TPTE: variants seen among roughly 807,000 people sequenced by gnomAD.
The protein encoded by TPTE is putative tyrosine-protein phosphatase TPTE.
A neutral mutation model predicts 84.1 loss-of-function variants in TPTE; 59 were observed. The ratio of observed to expected loss-of-function variants is 0.70; its 90% CI spans 0.57 to 0.87. TPTE has a LOEUF of 0.87. TPTE is among the 40% of genes least tolerant of loss of function. The pLI, the probability that TPTE is intolerant of heterozygous loss-of-function variation, is 0.00. For missense variants in TPTE, 382 were observed against 659.6 expected (o/e 0.58, Z 4.61); for synonymous variants, 130 against 223.5 (o/e 0.58, Z 3.73).
At chr21:10,556,704 T>G (rs1319561082) in intron 8 of TPTE, among the ~76,000 whole-genome samples, 7 of 152,306 alleles carry the variant, frequency 4.6e-5, no homozygotes. Flanking sequence ...CCAGCACCTG[T>G]TGTTTCTTGA....
At chr21:10,547,902 C>T (rs1384860185) in intron 7 of TPTE, among the ~76,000 whole-genome samples, 1 of 152,312 alleles carries the variant, frequency 6.6e-6, no homozygotes, top group African/African-American at 2.4e-5. Flanking sequence ...CAAACCACTA[C>T]ATGCCCTCTC....
At chr21:10,551,758 T>G (rs1260065160) in intron 7 of TPTE, among the ~76,000 whole-genome samples, 3 of 152,266 alleles carry the variant, frequency 2.0e-5, no homozygotes, top group Non-Finnish European at 2.9e-5. Flanking sequence ...GAAATAAAAA[T>G]AATTATTAGA....
At chr21:10,537,867 A>G (rs2074296267) in intron 3 of TPTE, among the ~76,000 whole-genome samples, 1 of 152,304 alleles carries the variant, frequency 6.6e-6, no homozygotes, top group Admixed American at 6.5e-5. Context: ...ATTCAAGGGC[A>G]TTAATGGAAA....
chr21:10,587,454 G>C (rs527326766), intron 17 of TPTE, among the ~76,000 whole-genome samples: 1 of 152,308 alleles, frequency 6.6e-6, no homozygotes, highest in Non-Finnish European at 1.5e-5. Context: ...TCACTTATGA[G>C]TGAGAACATA....
intron 7 of TPTE, among the ~76,000 whole-genome samples, chr21:10,548,067 A>G (rs2074502292): frequency 6.6e-6 from 1 of 152,428 alleles, no homozygotes; most frequent in Admixed American, 6.5e-5. Flanking sequence ...TCTGCTTTTA[A>G]TAAGGGCCTG....
intron 17 of TPTE, among the ~76,000 whole-genome samples, chr21:10,584,499 A>G (rs2075327203): frequency 6.6e-6 from 1 of 152,302 alleles, no homozygotes; most frequent in South Asian, 2.1e-4. Flanking sequence ...CACCATGCCT[A>G]GCTAATTTTT....
chr21:10,555,867 A>G lies in TPTE; in HGVS notation c.233+3151A>G, dbSNP rs191957354. On this transcript the variant is annotated intron_variant, in intron 8 of 23. Coordinates refer to ENST00000618007, the MANE Select transcript of TPTE (RefSeq NM_199261.4). ...TTTTTCCATCAATATCGAGAATAAA[A>G]CTGGACTCGTACCTGTGAAAGATAA... 2.0e-5 allele frequency among the ~76,000 whole-genome samples: 3 copies of G among 152,426 alleles called. No homozygotes were observed. The East Asian group carries it at 5.8e-4, about 29-fold the overall frequency.
intron 1 of TPTE, among the ~76,000 whole-genome samples, chr21:10,522,912 T>C (rs1344429888): frequency 6.6e-6 from 1 of 152,310 alleles, no homozygotes; most frequent in Non-Finnish European, 1.5e-5. Context: ...AATATGAGTG[T>C]ATTTTAAATG....
intron 7 of TPTE, among the ~76,000 whole-genome samples, chr21:10,548,666 G>A (rs2074517132): frequency 6.6e-6 from 1 of 152,302 alleles, no homozygotes; most frequent in South Asian, 2.1e-4. Flanking sequence ...GCCAGCCCTG[G>A]CAAAGATACC....
chr21:10,562,259 G>A (rs1335440354), intron 10 of TPTE, among the ~76,000 whole-genome samples: 1 of 152,310 alleles, frequency 6.6e-6, no homozygotes, highest in Non-Finnish European at 1.5e-5. Context: ...GCCTTCCCAA[G>A]AAAGATGGGT....
chr21:10,530,051 T>C (rs991200010), intron 3 of TPTE, among the ~76,000 whole-genome samples: 10 of 152,306 alleles, frequency 6.6e-5, no homozygotes, highest in African/African-American at 2.2e-4. Context: ...ATTACAATCC[T>C]TTCTGTCATT....
intron 19 of TPTE, among the ~76,000 whole-genome samples, chr21:10,592,805 G>GGTGTGTGTGTGTGTGT (rs4041809): frequency 0.013 from 1,891 of 146,162 alleles, 3 homozygotes; most frequent in African/African-American, 0.04. Context: ...GATGACTCCT[G>GGTGTGTGTGTGTGTGT]GTGTGTGTGT....
intron 7 of TPTE, among the ~76,000 whole-genome samples, chr21:10,543,992 C>T (rs1390872793): frequency 6.6e-6 from 1 of 152,304 alleles, no homozygotes; most frequent in Non-Finnish European, 1.5e-5. Context: ...TGCCGCTTTC[C>T]TCAGGTGTGC....
intron 8 of TPTE, among the ~76,000 whole-genome samples, chr21:10,553,566 G>A (rs2074621554): frequency 6.6e-6 from 1 of 152,310 alleles, no homozygotes; most frequent in Admixed American, 6.5e-5. Flanking sequence ...AGCAAGGCAA[G>A]CATTTCCTTC....
chr21:10,562,683 A>G (rs541476746), intron 10 of TPTE, among the ~76,000 whole-genome samples: 293 of 152,252 alleles, frequency 1.9e-3, no homozygotes, highest in Middle Eastern at 3.4e-3. Flanking sequence ...GAAAGAATTA[A>G]TGAGCTTGAA....
intron 1 of TPTE, 39 bp downstream of exon 1, chr21:10,521,733 G>GT (rs1489898943): frequency 6.5e-6 from 1 of 152,894 alleles, no homozygotes; most frequent in African/African-American, 2.4e-5. Context: ...GGGGGTAGGG[G>GT]TGGGGGACGC....
At chr21:10,565,201 A>G (rs113360787) in intron 10 of TPTE, among the ~76,000 whole-genome samples, 4 of 152,308 alleles carry the variant, frequency 2.6e-5, no homozygotes, top group East Asian at 1.9e-4. Context: ...TAGCATTTCT[A>G]TATGTCAACA....
intron 3 of TPTE, among the ~76,000 whole-genome samples, chr21:10,535,761 C>G (rs1307910582): frequency 6.6e-6 from 1 of 152,312 alleles, no homozygotes; most frequent in South Asian, 2.1e-4. Flanking sequence ...GGTTCCTCAC[C>G]TTCTAGCGTT....
chr21:10,534,385 T>A (rs1215245234), intron 3 of TPTE, among the ~76,000 whole-genome samples: 4 of 152,306 alleles, frequency 2.6e-5, no homozygotes, highest in Non-Finnish European at 5.9e-5. Context: ...GCTGTTATTG[T>A]CTATGGAGAC....
Sources: allele counts gnomAD v4.1 joint callset (sites outside exome capture counted in the v4.1 genomes callset), GRCh38; gene constraint gnomAD v4.1.1; transcripts MANE v1.5; gene names NCBI Gene and HGNC (gene_info 2026-07-23, HGNC 2026-07-21).